Variants in WWC1 observed in about 807,000 individuals in gnomAD.
WWC1 encodes protein KIBRA.
A neutral mutation model predicts 138.4 loss-of-function variants in WWC1; 55 were observed. That is an observed-to-expected ratio of 0.40 (90% CI 0.32 to 0.50). The LOEUF is 0.50. WWC1 is among the 20% of genes least tolerant of loss of function. The pLI is 0.72. For missense variants in WWC1, 1,226 were observed against 1,420.4 expected, an observed-to-expected ratio of 0.86 and a Z score of 2.20; for synonymous variants, 524 against 564.9, an observed-to-expected ratio of 0.93 and a Z score of 1.03.
chr5:168,422,129 C>G, intron 10 of WWC1, 32 bp downstream of exon 10: 5 of 1,600,022 alleles, frequency 3.1e-6, no homozygotes, highest in Non-Finnish European at 4.3e-6. Flanking sequence ...CACTGCTCCC[C>G]TGGGCATGGC....
intron 1 of WWC1, among the ~76,000 whole-genome samples, chr5:168,301,156 A>G (rs1770032822): frequency 6.6e-6 from 1 of 152,252 alleles, no homozygotes; most frequent in African/African-American, 2.4e-5. Flanking sequence ...AAATGAGGAA[A>G]CTGAGGCCGA....
At chr5:168,403,079 T>TTTCTTTCTTTCTTTCTTTCTTTCTTTC (rs1491364364) in intron 5 of WWC1, among the ~76,000 whole-genome samples, 1 of 95,840 alleles carries the variant, frequency 1.0e-5, no homozygotes, top group African/African-American at 4.1e-5. Flanking sequence ...TCTTTCTTTC[T>TTTCTTTCTTTCTTTCTTTCTTTCTTTC]TTTCTTTCTT....
chr5:168,422,278 G>A (rs113234883), intron 10 of WWC1, among the ~76,000 whole-genome samples, 181 bp downstream of exon 10: 8 of 152,328 alleles, frequency 5.3e-5, no homozygotes, highest in African/African-American at 1.9e-4. Context: ...AGGAATAGGG[G>A]TCTTGACCTC....
intron 15 of WWC1, among the ~76,000 whole-genome samples, chr5:168,439,706 C>CTTGTGCAGGT (rs1754583813): frequency 6.6e-6 from 1 of 151,740 alleles, no homozygotes; most frequent in Non-Finnish European, 1.5e-5. Context: ...TCGTTTTGTA[C>CTTGTGCAGGT]TTGTGCAGGT....
intron 1 of WWC1, among the ~76,000 whole-genome samples, chr5:168,341,307 G>C (rs1038346165): frequency 6.6e-6 from 1 of 152,202 alleles, no homozygotes; most frequent in African/African-American, 2.4e-5. Flanking sequence ...ACCAGGCAGA[G>C]ATGGAGGAAA....
rs555918678 is a variant in WWC1 at position 168,450,662 on chromosome 5, T to A, written c.2526-3306T>A. Among the ~76,000 whole-genome samples, 136 of 151,954 alleles carry A rather than the reference T, an allele frequency of 9.0e-4. 1 individual carries two copies. The highest frequency in any genetic ancestry group is 1.7e-3 in the Non-Finnish European group (116 of 68,016). On this transcript the variant is annotated intron_variant, in intron 17 of 22. Coordinates refer to ENST00000265293, the MANE Select transcript of WWC1 (RefSeq NM_015238.3). ...GCCTGGGCAACAGAGCGAGACTCCA[T>A]CTCAAAAAAATAAAATAAAATTAAT...
chr5:168,295,483 C>CGTGTGTGTGTGTGTGTGTGTGT (rs3138761), intron 1 of WWC1, among the ~76,000 whole-genome samples: 19 of 142,570 alleles, frequency 1.3e-4, no homozygotes, highest in African/African-American at 5.0e-4. Flanking sequence ...ATTTCTACTC[C>CGTGTGTGTGTGTGTGTGTGTGT]GTGTGTGTGT....
At chr5:168,440,490 G>C (rs1582306458) in intron 15 of WWC1, among the ~76,000 whole-genome samples, 3 of 144,434 alleles carry the variant, frequency 2.1e-5, no homozygotes, top group South Asian at 4.2e-4. Context: ...TGAAAGCAGG[G>C]TTTTGTTGTT....
At chr5:168,392,447 G>A (rs1399051877) in intron 3 of WWC1, among the ~76,000 whole-genome samples, 1 of 152,218 alleles carries the variant, frequency 6.6e-6, no homozygotes, top group Non-Finnish European at 1.5e-5. Flanking sequence ...AGCACTTTGA[G>A]AGGCCGAGAT....
At chr5:168,419,697 C>A (rs1780934319) in intron 9 of WWC1, among the ~76,000 whole-genome samples, 1 of 152,202 alleles carries the variant, frequency 6.6e-6, no homozygotes, top group South Asian at 2.1e-4. Flanking sequence ...CACATGAGAG[C>A]AGCCCAGGTC....
chr5:168,319,236 A>G (rs946108226), intron 1 of WWC1, among the ~76,000 whole-genome samples: 1 of 152,074 alleles, frequency 6.6e-6, no homozygotes, highest in African/African-American at 2.4e-5. Flanking sequence ...CCTGGCCAAC[A>G]TGGTGAAACC....
rs1754800054 is a variant in WWC1, at chr5:168,441,842, G to A, written c.2433+8G>A. On this transcript the variant is annotated splice_region_variant and intron_variant, in intron 16 of 22. Coordinates refer to ENST00000265293, the MANE Select transcript of WWC1 (RefSeq NM_015238.3). ...TCAGGGCCTGCCAGCACGGTGAGCT[G>A]GGACCAGGTGTGCCACCTTCCCACA... 1 of 1,611,760 alleles carries A rather than the reference G, an allele frequency of 6.2e-7. No individual in the cohort carries two copies. The highest frequency in any genetic ancestry group is 1.3e-5 in the African/African-American group (1 of 74,884).
chr5:168,365,986 G>A (rs1358284991), intron 1 of WWC1, among the ~76,000 whole-genome samples: 3 of 152,194 alleles, frequency 2.0e-5, no homozygotes, highest in Middle Eastern at 3.2e-3. Context: ...CCCGAGGGTG[G>A]GGGCTGGGAG....
At chr5:168,421,007 G>C (rs562527404) in intron 9 of WWC1, among the ~76,000 whole-genome samples, 3 of 152,224 alleles carry the variant, frequency 2.0e-5, no homozygotes, top group Non-Finnish European at 4.4e-5. Flanking sequence ...TACTAGTCAG[G>C]AATCTAACTG....
intron 1 of WWC1, among the ~76,000 whole-genome samples, chr5:168,363,432 G>T (rs964518148): frequency 1.5e-5 from 2 of 134,720 alleles, no homozygotes; most frequent in African/African-American, 5.7e-5. Context: ...GCTGAGGCAG[G>T]AAAATCACTT....
At chr5:168,367,439 C>T (rs1258007732) in intron 1 of WWC1, among the ~76,000 whole-genome samples, 1 of 151,750 alleles carries the variant, frequency 6.6e-6, no homozygotes, top group Non-Finnish European at 1.5e-5. Context: ...TCACGCCATT[C>T]TCCTGCCTCA....
At chr5:168,468,225 GC>G (rs1229323988) in intron 22 of WWC1, among the ~76,000 whole-genome samples, 9 of 152,330 alleles carry the variant, frequency 5.9e-5, no homozygotes, top group Middle Eastern at 6.8e-3. Context: ...ACCTGCTCCA[GC>G]CTTTCCTCGT....
intron 2 of WWC1, among the ~76,000 whole-genome samples, chr5:168,373,057 A>C (rs537052143): frequency 8.5e-5 from 13 of 152,290 alleles, no homozygotes; most frequent in African/African-American, 1.9e-4. Context: ...TTTTATTAGC[A>C]CTCATGATTG....
Position 168,391,889 on chromosome 5 carries a change from A to G in WWC1, c.434-5835A>G, listed in dbSNP as rs114679332. The stretch of plus-strand genomic sequence containing the variant: ...CAACCTACGTAGCAGACCTGAGAAA[A>G]GAGAAAATGGGCTGATAGTGAGGAA... On this transcript the variant is annotated intron_variant, in intron 3 of 22. Coordinates refer to ENST00000265293, the MANE Select transcript of WWC1 (RefSeq NM_015238.3). Among the ~76,000 whole-genome samples, 788 of 151,420 alleles carry G rather than the reference A, an allele frequency of 5.2e-3. 5 individuals carry two copies. Among genetic ancestry groups the G allele is most frequent in the African/African-American group, 0.018 (732 of 41,244 alleles).
Sources: gnomAD v4.1 joint callset for allele counts (sites outside exome capture counted in the v4.1 genomes callset) on GRCh38, gnomAD v4.1.1 for gene constraint, MANE v1.5 for transcripts, NCBI Gene and HGNC (gene_info 2026-07-23, HGNC 2026-07-21) for gene names.